RCOR3: variants seen among roughly 807,000 people sequenced by gnomAD.
RCOR3 encodes the protein REST corepressor 3.
A neutral mutation model predicts 64.1 loss-of-function variants in RCOR3; 13 were observed. The ratio of observed to expected loss-of-function variants is 0.20; its 90% confidence interval spans 0.13 to 0.32. RCOR3 has a LOEUF of 0.32. Ranked by LOEUF, RCOR3 falls within the 10% of genes least tolerant of loss-of-function variation. The probability of loss-of-function intolerance (pLI) is 1.00; values close to 1 mark genes in which losing one functional copy is unlikely to be tolerated. For missense variants in RCOR3, 489 were observed against 701.2 expected (o/e 0.70, Z 3.42); for synonymous variants, 215 against 239.0 (o/e 0.90, Z 0.93).
At chr1:211,284,500 T>A (rs1698259371) in intron 7 of RCOR3, among the ~76,000 whole-genome samples, 1 of 132,322 alleles carries the variant, frequency 7.6e-6, no homozygotes, top group Non-Finnish European at 1.6e-5. Context: ...GAGGTAGAGA[T>A]CCTTTATTTA....
intron 10 of RCOR3, 37 bp downstream of exon 10, chr1:211,304,177 TATTTA>T (rs1700645289): frequency 6.8e-7 from 1 of 1,465,712 alleles, no homozygotes; most frequent in Non-Finnish European, 9.2e-7. Flanking sequence ...TGTTAATAAT[TATTTA>T]ATTTGTCATG....
intron 5 of RCOR3, among the ~76,000 whole-genome samples, chr1:211,277,670 G>T (rs1372625252): frequency 1.3e-5 from 2 of 152,188 alleles, no homozygotes; most frequent in East Asian, 3.8e-4. Context: ...TGGAAGGGGA[G>T]AATAGGGAAT....
At chr1:211,267,043 A>G (rs1695328754) in intron 2 of RCOR3, among the ~76,000 whole-genome samples, 1 of 152,228 alleles carries the variant, frequency 6.6e-6, no homozygotes, top group South Asian at 2.1e-4. Flanking sequence ...AGGATAAAGA[A>G]GGAAGGAACT....
At chr1:211,311,037 C>T (rs1162246374) in intron 10 of RCOR3, among the ~76,000 whole-genome samples, 1 of 152,126 alleles carries the variant, frequency 6.6e-6, no homozygotes, top group Admixed American at 6.5e-5. Context: ...GAGACTCACC[C>T]TTATAAGAGT....
chr1:211,295,869 A>G, intron 9 of RCOR3, 116 bp downstream of exon 9: 1 of 643,738 alleles, frequency 1.6e-6, no homozygotes, highest in African/African-American at 1.8e-5. Flanking sequence ...AGGTTTCATA[A>G]TATGGATAAT....
Position 211,259,418 on chromosome 1 carries a change from C to T in RCOR3, c.-143C>T. 1 of 756,000 alleles carries T rather than the reference C, an allele frequency of 1.3e-6. No individual in the cohort carries two copies. Among genetic ancestry groups the T allele is most frequent in the Non-Finnish European group, 2.1e-6 (1 of 487,536 alleles). The allele number at this position is 756,000 out of a possible 1,614,324, so 46.8% of individuals were successfully genotyped here. A position where few individuals can be genotyped will look rare whatever the true frequency, so the allele number is the denominator to read the frequency against. Reference sequence around the variant, plus strand: ...CGGAGCGGGGCGGTTATGGCGGCTCCATATTAACAGCCTCCTCCTCCTCCG... The same window carrying T: ...CGGAGCGGGGCGGTTATGGCGGCTCTATATTAACAGCCTCCTCCTCCTCCG... On this transcript the variant is annotated 5_prime_UTR_variant, in exon 1 of 12. Coordinates refer to ENST00000419091, the MANE Select transcript of RCOR3 (RefSeq NM_001136223.3).
In RCOR3 at chr1:211,312,685, T is replaced by A. The variant is rs1476232943; in HGVS notation, c.1076-35T>A. ...TAGTACACACAGCTCTCCTTATTGA[T>A]CCTTCACAGGTGTATTATTTACTTT... On this transcript the variant is annotated intron_variant, in intron 10 of 11. Coordinates refer to ENST00000419091, the MANE Select transcript of RCOR3 (RefSeq NM_001136223.3). This position sits in a 1 kb window ranked among gnomAD's most constrained non-coding sequence, Gnocchi z 5.0. The A allele has an allele frequency of 6.9e-7, 1 of 1,447,980 alleles. No homozygotes were observed. Among genetic ancestry groups the A allele is most frequent in the East Asian group, 2.3e-5 (1 of 44,024 alleles). 89.7% of individuals were successfully genotyped at this position (1,447,980 alleles called of 1,614,324 possible).
Position 211,289,163 on chromosome 1 carries a change from C to T in RCOR3, c.721-15C>T, listed in dbSNP as rs774359893. The T allele has an allele frequency of 3.6e-5, 57 of 1,598,626 alleles. No individual in the cohort carries two copies. Among genetic ancestry groups the T allele is most frequent in the South Asian group, 4.4e-5 (4 of 90,786 alleles). On this transcript the variant is annotated splice_polypyrimidine_tract_variant and intron_variant, in intron 7 of 11. Transcript: ENST00000419091. ...GAAAACCAAGTGACCTGTTATTCTG[C>T]TTTTATTCTCTTAGGGTAATACTGA... is the stretch of plus-strand genomic sequence containing the variant.
In RCOR3 at chr1:211,313,365, T is replaced by C. The variant is rs77680132; in HGVS notation, c.1318-59T>C. The C allele has an allele frequency of 4.2e-3, 6,508 of 1,541,550 alleles. 20 individuals carry two copies. The highest frequency in any genetic ancestry group is 8.8e-3 in the Middle Eastern group (50 of 5,708). On this transcript the variant is annotated intron_variant, in intron 11 of 11. Coordinates refer to ENST00000419091, the MANE Select transcript of RCOR3 (RefSeq NM_001136223.3). This position sits in a 1 kb window ranked among gnomAD's most constrained non-coding sequence, Gnocchi z 4.7. ...TTTCCTGTGACAGCCCAAACTATAT[T>C]GTATTAAGTTCATTAGGACTTACAT...
At chr1:211,264,435 T>C (rs1694861332) in intron 2 of RCOR3, among the ~76,000 whole-genome samples, 1 of 152,168 alleles carries the variant, frequency 6.6e-6, no homozygotes. Context: ...TAATCCCAGC[T>C]CTTTGGGAGG....
intron 1 of RCOR3, 121 bp downstream of exon 1, chr1:211,259,847 G>T (rs1249182907): frequency 3.6e-6 from 4 of 1,111,436 alleles, no homozygotes; most frequent in African/African-American, 3.6e-5. Context: ...CGCTGCGGTA[G>T]CCTCGAACTC....
In RCOR3 at chr1:211,313,584, TC is replaced by T; in HGVS notation, c.1480del (p.Gln494SerfsTer13). On this transcript the variant is annotated frameshift_variant, in exon 12 of 12. Transcript: ENST00000419091. LOFTEE classifies it high-confidence loss of function. This position sits in a 1 kb window ranked among gnomAD's most constrained non-coding sequence, Gnocchi z 4.7. ...APALHRQPPPLQQQARFIQPR... is the reference protein window; with the variant it reads ...APALHRQPPPXQQQARFIQPR... ...GCTCTTCACCGGCAGCCTCCTCCACTCCAGCAGCAGGCTCGGTTCATCCAGC... is the reference window on the plus strand; with the variant it reads ...GCTCTTCACCGGCAGCCTCCTCCACTCAGCAGCAGGCTCGGTTCATCCAGC... 1 of 1,613,984 alleles carries T rather than the reference TC, an allele frequency of 6.2e-7. No individual in the cohort carries two copies. Among genetic ancestry groups the T allele is most frequent in the Non-Finnish European group, 8.5e-7 (1 of 1,179,992 alleles).
chr1:211,288,308 TTA>T (rs1018107032), intron 7 of RCOR3, among the ~76,000 whole-genome samples: 1 of 151,588 alleles, frequency 6.6e-6, no homozygotes, highest in African/African-American at 2.4e-5. Flanking sequence ...TAACGTGTTT[TTA>T]TATCATACTT....
At chr1:211,304,494 A>G (rs921056834) in intron 10 of RCOR3, among the ~76,000 whole-genome samples, 1 of 152,176 alleles carries the variant, frequency 6.6e-6, no homozygotes, top group Non-Finnish European at 1.5e-5. Context: ...TAAAAGCATC[A>G]ATAAACTATA....
intron 7 of RCOR3, among the ~76,000 whole-genome samples, chr1:211,284,852 C>G (rs1571896773): frequency 6.6e-6 from 1 of 152,188 alleles, no homozygotes; most frequent in South Asian, 2.1e-4. Flanking sequence ...AATTGAATAT[C>G]TTTTTCAACT....
In RCOR3 at chr1:211,271,227, C is replaced by T. The variant is rs1364743032; in HGVS notation, c.224-5C>T. The T allele has an allele frequency of 1.9e-6, 3 of 1,609,588 alleles. No individual in the cohort carries two copies. Among genetic ancestry groups the T allele is most frequent in the Admixed American group, 1.7e-5 (1 of 59,726 alleles). On this transcript the variant is annotated splice_polypyrimidine_tract_variant and splice_region_variant and intron_variant, in intron 2 of 11. Transcript: ENST00000419091. The stretch of plus-strand genomic sequence containing the variant: ...ATATTCAAAGTAATTATCTTTTTCC[C>T]CCAGGTGCTACAAAGTACACAGATA...
chr1:211,316,079 T>C lies in RCOR3; in HGVS notation c.*2311T>C, dbSNP rs1701847988. ...TGAGGAATTTAGTACCTCTTCACTGTGAAATTCGAAATAATGATTTTTATA... is the reference window on the plus strand; with the variant it reads ...TGAGGAATTTAGTACCTCTTCACTGCGAAATTCGAAATAATGATTTTTATA... On this transcript the variant is annotated 3_prime_UTR_variant, in exon 12 of 12. Coordinates refer to ENST00000419091, the MANE Select transcript of RCOR3 (RefSeq NM_001136223.3). 6.6e-6 allele frequency: 1 copy of C among 152,206 alleles called. No homozygotes were observed. The highest frequency in any genetic ancestry group is 2.4e-5 in the African/African-American group (1 of 41,454). The allele number at this position is 152,206 out of a possible 1,614,324, so 9.4% of individuals were successfully genotyped here.
At chr1:211,304,669 G>A (rs1364987925) in intron 10 of RCOR3, among the ~76,000 whole-genome samples, 1 of 152,158 alleles carries the variant, frequency 6.6e-6, no homozygotes, top group Admixed American at 6.5e-5. Flanking sequence ...TTTTAAAGGA[G>A]ACTTAAGAGC....
At chr1:211,285,222 G>T (rs1015165520) in intron 7 of RCOR3, among the ~76,000 whole-genome samples, 1 of 152,094 alleles carries the variant, frequency 6.6e-6, no homozygotes, top group African/African-American at 2.4e-5. Flanking sequence ...AATTTGAATA[G>T]AAGATATGAT....
Sources: gnomAD v4.1 joint callset for allele counts (sites outside exome capture counted in the v4.1 genomes callset) on GRCh38, gnomAD v4.1.1 for gene constraint, Gnocchi (gnomAD v3.1) non-coding constraint, MANE v1.5 for transcripts, NCBI Gene and HGNC (gene_info 2026-07-23, HGNC 2026-07-21) for gene names.